ARHGEF17: variants seen among roughly 807,000 people sequenced by gnomAD.
ARHGEF17 encodes the protein 164 kDa Rho-specific guanine-nucleotide exchange factor.
A neutral mutation model predicts 174.0 loss-of-function variants in ARHGEF17; 80 were observed. The observed-to-expected ratio is 0.46, with a 90% CI of 0.38 to 0.55. ARHGEF17 has a LOEUF of 0.55. Ranked by LOEUF, ARHGEF17 falls within the 20% of genes least tolerant of loss-of-function variation. ARHGEF17 has a pLI of 0.00. For synonymous variants in ARHGEF17, 1,311 were observed against 1,189.1 expected (o/e 1.10, Z -2.11); for missense variants, 2,886 against 2,839.7 (o/e 1.02, Z -0.37).
intron 1 of ARHGEF17, among the ~76,000 whole-genome samples, chr11:73,325,164 T>A (rs2135792450): frequency 6.6e-6 from 1 of 152,236 alleles, no homozygotes; most frequent in African/African-American, 2.4e-5. Context: ...CAAAAAAACC[T>A]TCCATATTTG....
At position 73,310,992 on chromosome 11, in the gene ARHGEF17, A is replaced by G. The variant is rs1352040449; in HGVS notation, c.2354A>G (p.Asp785Gly). 1 of 1,613,988 alleles carries G rather than the reference A, an allele frequency of 6.2e-7. No individual in the cohort carries two copies. The highest frequency in any genetic ancestry group is 1.1e-5 in the South Asian group (1 of 91,076). ...GAGGGCTTGACCAGTGGTCACAGTGACTGGTCTGTGGGCAGTGAAGAGAGC... is the reference window on the plus strand; with the variant it reads ...GAGGGCTTGACCAGTGGTCACAGTGGCTGGTCTGTGGGCAGTGAAGAGAGC... ...MDEGLTSGHS[D>G]WSVGSEESKG... is the part of the protein sequence containing the mutation. The change falls in exon 1 of 21, where the codon GAC (aspartate) becomes GGC (glycine). Residue 785 changes from aspartate (D) to glycine (G), a missense_variant. Physicochemically the swap from Asp to Gly is moderately conservative, Grantham distance 94. Transcript: ENST00000263674.
rs745546487 is a variant in ARHGEF17, at chr11:73,367,759, C to T, written c.6171C>T (p.His2057=). ...TGGGTCGAGACGACAGCACAAACCA[C>T]CTCCTCCTGTGGAGGGTGTGACCCT... ...ETVGRDDSTN[H]LLLWRV is the part of the protein sequence containing the mutation. The change falls in exon 21 of 21, where the codon CAC becomes CAT. Residue 2057 remains histidine, a synonymous_variant. Transcript: ENST00000263674. 6.2e-7 allele frequency: 1 copy of T among 1,613,530 alleles called. No individual in the cohort carries two copies. Among genetic ancestry groups the T allele is most frequent in the Non-Finnish European group, 8.5e-7 (1 of 1,179,728 alleles).
At chr11:73,315,500 G>C (rs936926380) in intron 1 of ARHGEF17, among the ~76,000 whole-genome samples, 67 of 152,196 alleles carry the variant, frequency 4.4e-4, no homozygotes, top group African/African-American at 1.5e-3. Flanking sequence ...GAACCTGCGG[G>C]GGTGGAGGTT....
At position 73,355,879 on chromosome 11, in the gene ARHGEF17, AAGG is replaced by A; in HGVS notation, c.3592_3594del (p.Glu1198del). 1 of 1,614,178 alleles carries A rather than the reference AAGG, an allele frequency of 6.2e-7. No homozygotes were observed. Among genetic ancestry groups the A allele is most frequent in the Non-Finnish European group, 8.5e-7 (1 of 1,180,036 alleles). Reference sequence around the variant, plus strand: ...GTTTCAGCAAAGCATGCGTGAGAACAAGGAGAAGCAGGCGCTGTCTGACCTCAT... The same window carrying A: ...GTTTCAGCAAAGCATGCGTGAGAACAAGAAGCAGGCGCTGTCTGACCTCAT... On this transcript the variant is annotated inframe_deletion, in exon 5 of 21. Transcript: ENST00000263674.
Position 73,356,759 on chromosome 11 carries a change from G to T in ARHGEF17, c.3891G>T (p.Val1297=). 1 of 1,614,152 alleles carries T rather than the reference G, an allele frequency of 6.2e-7. No individual in the cohort carries two copies. The change falls in exon 7 of 21, where the codon GTG becomes GTT. Residue 1297 remains valine (V), a splice_region_variant and synonymous_variant. Transcript: ENST00000263674. ...TGAGACAGGAGATGGTCATTGAAGT[G>T]GTAAGAAGTGTCCCAGTATCTGTCC... ...RFLRQEMVIE[V]KAIGGKKDRS... is the part of the protein sequence containing the mutation.
chr11:73,310,839 T>G lies in ARHGEF17; in HGVS notation c.2201T>G (p.Leu734Arg), dbSNP rs895349987. 3 of 1,612,074 alleles carry G rather than the reference T, an allele frequency of 1.9e-6. No individual in the cohort carries two copies. The highest frequency in any genetic ancestry group is 2.7e-5 in the African/African-American group (2 of 75,004). ...NGEAGEAYRS[L>R]SDPIPQRHRA... ...GAGGCAGGGGAGGCCTACAGGTCCC[T>G]GAGTGACCCAATTCCTCAGCGCCAC... is the stretch of plus-strand genomic sequence containing the variant. The change falls in exon 1 of 21, where the codon CTG (leucine) becomes CGG (arginine). Residue 734 changes from leucine to arginine, a missense_variant. Leu to Arg is a moderately radical substitution (Grantham distance 102). Coordinates refer to ENST00000263674, the MANE Select transcript of ARHGEF17 (RefSeq NM_014786.4).
At position 73,310,484 on chromosome 11, in the gene ARHGEF17, C is replaced by G. The variant is rs1441462760; in HGVS notation, c.1846C>G (p.Pro616Ala). 1.9e-6 allele frequency: 3 copies of G among 1,614,006 alleles called. No homozygotes were observed. The highest frequency in any genetic ancestry group is 2.2e-5 in the South Asian group (2 of 91,084). Residue 616 changes from proline (P) to alanine (A), a missense_variant, in exon 1 of 21, where the codon CCC becomes GCC. Physicochemically the swap from Pro to Ala is conservative, Grantham distance 27 (BLOSUM62 -1). Transcript: ENST00000263674. Reference protein sequence around the residue: ...GAQQDDGSDAPPGSPDWAGDV... With the variant: ...GAQQDDGSDAAPGSPDWAGDV... ...CCAACAAGATGATGGAAGCGATGCCCCCCCTGGAAGCCCTGACTGGGCAGG... is the reference window on the plus strand; with the variant it reads ...CCAACAAGATGATGGAAGCGATGCCGCCCCTGGAAGCCCTGACTGGGCAGG...
chr11:73,319,707 C>G (rs1265699836), intron 1 of ARHGEF17, among the ~76,000 whole-genome samples: 1 of 152,216 alleles, frequency 6.6e-6, no homozygotes, highest in Non-Finnish European at 1.5e-5. Flanking sequence ...AGCAGTCAAT[C>G]ATTGAGCTCC....
At chr11:73,355,836 CAT>C (rs1427638160) in intron 4 of ARHGEF17, 23 bp from the exon 5 acceptor site, 5 of 1,613,536 alleles carry the variant, frequency 3.1e-6, no homozygotes, top group Non-Finnish European at 4.2e-6. Flanking sequence ...TCATTCCTCA[CAT>C]GATGCCCATC....
Position 73,311,001 on chromosome 11 carries a change from T to C in ARHGEF17, c.2363T>C (p.Val788Ala), listed in dbSNP as rs532043328. 1 of 1,613,990 alleles carries C rather than the reference T, an allele frequency of 6.2e-7. No homozygotes were observed. The highest frequency in any genetic ancestry group is 8.5e-7 in the Non-Finnish European group (1 of 1,180,008). Reference protein sequence around the residue: ...GLTSGHSDWSVGSEESKGYQE... With the variant: ...GLTSGHSDWSAGSEESKGYQE... ...ACCAGTGGTCACAGTGACTGGTCTG[T>C]GGGCAGTGAAGAGAGCAAGGGATAT... The change falls in exon 1 of 21, where the codon GTG becomes GCG. Residue 788 changes from valine (V) to alanine (A), a missense_variant. Transcript: ENST00000263674.
chr11:73,310,187 C>G lies in ARHGEF17; in HGVS notation c.1549C>G (p.Leu517Val). The G allele has an allele frequency of 6.2e-7, 1 of 1,613,970 alleles. No individual in the cohort carries two copies. The highest frequency in any genetic ancestry group is 8.5e-7 in the Non-Finnish European group (1 of 1,180,032). ...SPSAGGPVGQLEPIPIPAPAS... is the reference protein window; with the variant it reads ...SPSAGGPVGQVEPIPIPAPAS... The stretch of plus-strand genomic sequence containing the variant: ...ATCCGCAGGTGGCCCTGTGGGGCAA[C>G]TTGAACCCATACCCATCCCAGCCCC... The change falls in exon 1 of 21, where the codon CTT becomes GTT. Residue 517 changes from leucine (L) to valine (V), a missense_variant. This residue lies in a region of ARHGEF17 where 1,728 missense variants were observed against 1,461.2 expected (regional missense o/e 1.18). Transcript: ENST00000263674.
chr11:73,308,310 G>T lies in ARHGEF17; in HGVS notation c.-329G>T. ...CCAGGAGCGAGCAGCCAAGGGCGTT[G>T]GGCAGGCGGACGCAGAGTCGAGGAA... On this transcript the variant is annotated 5_prime_UTR_variant, in exon 1 of 21. Coordinates refer to ENST00000263674, the MANE Select transcript of ARHGEF17 (RefSeq NM_014786.4). 1 of 286,202 alleles carries T rather than the reference G, an allele frequency of 3.5e-6. No individual in the cohort carries two copies. The highest frequency in any genetic ancestry group is 6.5e-6 in the Non-Finnish European group (1 of 154,470). 17.7% of individuals were successfully genotyped at this position (286,202 alleles called of 1,614,324 possible).
chr11:73,361,776 C>G (rs1865741654), intron 12 of ARHGEF17, among the ~76,000 whole-genome samples: 1 of 151,930 alleles, frequency 6.6e-6, no homozygotes, highest in Non-Finnish European at 1.5e-5. Flanking sequence ...ATTGCTTGAG[C>G]CCTGGAGGTC....
intron 1 of ARHGEF17, among the ~76,000 whole-genome samples, chr11:73,333,553 T>G (rs965662590): frequency 1.3e-5 from 2 of 152,186 alleles, no homozygotes; most frequent in African/African-American, 4.8e-5. Context: ...CCCCTGGACA[T>G]CCTGACCACC....
chr11:73,339,913 C>T (rs535067877), intron 1 of ARHGEF17, among the ~76,000 whole-genome samples: 1 of 152,260 alleles, frequency 6.6e-6, no homozygotes, highest in African/African-American at 2.4e-5. Flanking sequence ...GGTAGGCCTT[C>T]ACCAAGCACC....
At chr11:73,338,621 A>G (rs1371746200) in intron 1 of ARHGEF17, among the ~76,000 whole-genome samples, 1 of 152,078 alleles carries the variant, frequency 6.6e-6, no homozygotes, top group Admixed American at 6.5e-5. Flanking sequence ...CTTCAGGAGA[A>G]TCTGTTCATG....
chr11:73,309,433 G>T lies in ARHGEF17; in HGVS notation c.795G>T (p.Gln265His). The change falls in exon 1 of 21, where the codon CAG becomes CAT. Residue 265 changes from glutamine (Q) to histidine (H), a missense_variant. Gln to His is a conservative substitution (Grantham distance 24). Around this residue, in one of 4 missense-constraint regions of ARHGEF17, gnomAD observed 1,728 missense variants for 1,461.2 expected, o/e 1.18. Transcript: ENST00000263674. Reference sequence around the variant, plus strand: ...GCCCGCCGCAGCTGCCTGGAGCCCAGAGTCCGGCCTACCACGGCGGCCACT... The same window carrying T: ...GCCCGCCGCAGCTGCCTGGAGCCCATAGTCCGGCCTACCACGGCGGCCACT... ...EEGPPQLPGAQSPAYHGGHSS... is the reference protein window; with the variant it reads ...EEGPPQLPGAHSPAYHGGHSS... 6.5e-7 allele frequency: 1 copy of T among 1,545,312 alleles called. No individual in the cohort carries two copies.
rs146825099 is a variant in ARHGEF17, at chr11:73,313,562, C to A, written c.3192+1732C>A. On this transcript the variant is annotated intron_variant, in intron 1 of 20. Transcript: ENST00000263674. ...TCCCTTCACATTCTCCTCTACCCCC[C>A]ACCCCTTTCTGGAGCTCTGAGGCGG... Among the ~76,000 whole-genome samples, 1,517 of 152,286 alleles carry A rather than the reference C, an allele frequency of 1.0e-2. 29 individuals are homozygous for A. The highest frequency in any genetic ancestry group is 0.02 in the Middle Eastern group (6 of 294).
chr11:73,353,435 G>A (rs1415362913), intron 3 of ARHGEF17, among the ~76,000 whole-genome samples: 1 of 152,246 alleles, frequency 6.6e-6, no homozygotes, highest in African/African-American at 2.4e-5. Context: ...GCTGGATGTT[G>A]ATGCTGGCTG....
Sources: allele counts gnomAD v4.1 joint callset (sites outside exome capture counted in the v4.1 genomes callset), GRCh38; gene constraint gnomAD v4.1.1; regional missense constraint gnomAD v4.1.1; transcripts MANE v1.5; gene names NCBI Gene and HGNC (gene_info 2026-07-23, HGNC 2026-07-21).